The following ASH1L variants were observed in gnomAD, a reference collection of about 807,000 sequenced individuals.
ASH1L encodes histone-lysine N-methyltransferase ASH1L.
Under a neutral mutation model 269.0 loss-of-function variants are expected in ASH1L, and 23 were observed. The observed-to-expected ratio is 0.09, with a 90% CI of 0.06 to 0.12. ASH1L has a LOEUF of 0.12. Among genes scored for constraint, ASH1L ranks in the 10% least tolerant of loss-of-function variants. The pLI, the probability that ASH1L is intolerant of heterozygous loss-of-function variation, is 1.00. For synonymous variants in ASH1L, 1,187 were observed against 1,253.5 expected (o/e 0.95, Z 1.12); for missense variants, 2,912 against 3,567.8 (o/e 0.82, Z 4.68).
chr1:155,346,834 T>C (rs1258110454), intron 20 of ASH1L, among the ~76,000 whole-genome samples: 6 of 152,212 alleles, frequency 3.9e-5, no homozygotes, highest in Non-Finnish European at 8.8e-5. Context: ...CCTGTCTAAC[T>C]TTAGCCTCCC....
chr1:155,392,211 C>T (rs984237333), intron 7 of ASH1L, among the ~76,000 whole-genome samples: 1 of 152,092 alleles, frequency 6.6e-6, no homozygotes, highest in Admixed American at 6.6e-5. Flanking sequence ...TTTGCAGTTT[C>T]CCCTATTAGC....
intron 10 of ASH1L, among the ~76,000 whole-genome samples, chr1:155,375,872 T>C (rs867954317): frequency 1.3e-5 from 2 of 150,828 alleles, no homozygotes; most frequent in Admixed American, 6.6e-5. Flanking sequence ...GTCCTTCATA[T>C]AGTGAGATTT....
chr1:155,488,652 G>C (rs1432139150), intron 2 of ASH1L, among the ~76,000 whole-genome samples: 2 of 96,014 alleles, frequency 2.1e-5, no homozygotes, highest in Non-Finnish European at 3.7e-5. Flanking sequence ...CTGGGCAACA[G>C]AGCAAGACTC....
chr1:155,428,096 A>ACCCAGTC lies in ASH1L; in HGVS notation c.5828+10230_5828+10231insGACTGGG, dbSNP rs919211246. Among the ~76,000 whole-genome samples, 100 of 152,250 alleles carry ACCCAGTC rather than the reference A, an allele frequency of 6.6e-4. 1 individual carries two copies. Among genetic ancestry groups the ACCCAGTC allele is most frequent in the Middle Eastern group, 6.8e-3 (2 of 294 alleles). Reference sequence around the variant, plus strand: ...TGAACGAATTAAACCTCTTTTCTTTATAAATTACCCAGTCTCAGGTATTTA... The same window carrying ACCCAGTC: ...TGAACGAATTAAACCTCTTTTCTTTACCCAGTCTAAATTACCCAGTCTCAGGTATTTA... On this transcript the variant is annotated intron_variant, in intron 5 of 27. Transcript: ENST00000392403.
intron 2 of ASH1L, among the ~76,000 whole-genome samples, chr1:155,504,472 A>T (rs1248450760): frequency 6.6e-6 from 1 of 152,180 alleles, no homozygotes. Flanking sequence ...ATATAGCTTG[A>T]CTTTCACTCT....
chr1:155,392,383 C>T (rs58932176), intron 7 of ASH1L, among the ~76,000 whole-genome samples: 1,571 of 152,208 alleles, frequency 0.01, 31 homozygotes, highest in African/African-American at 0.036. Context: ...GTGTGCTTCT[C>T]CTCTTCTAAT....
chr1:155,473,494 T>A (rs1470923860), intron 3 of ASH1L, among the ~76,000 whole-genome samples: 1 of 146,104 alleles, frequency 6.8e-6, no homozygotes, highest in Admixed American at 6.8e-5. Context: ...GTATTTCTAT[T>A]TTTTTTTTTT....
At chr1:155,413,190 A>C (rs1490356829) in intron 6 of ASH1L, among the ~76,000 whole-genome samples, 1 of 151,800 alleles carries the variant, frequency 6.6e-6, no homozygotes. Flanking sequence ...TTTTTCCTTA[A>C]CAGCTATTAA....
chr1:155,355,448 T>C (rs563748386), intron 15 of ASH1L, among the ~76,000 whole-genome samples: 3 of 152,344 alleles, frequency 2.0e-5, no homozygotes, highest in Admixed American at 6.5e-5. Flanking sequence ...ACAGGACATA[T>C]GTAAATAGAT....
At chr1:155,339,247 G>A (rs1652560567) in intron 26 of ASH1L, 81 bp downstream of exon 26, 2 of 1,260,202 alleles carry the variant, frequency 1.6e-6, no homozygotes, top group African/African-American at 1.5e-5. Context: ...GTGGAGCTGA[G>A]TGGGTAGTTG....
Position 155,339,315 on chromosome 1 carries a change from C to T in ASH1L, c.8501+13G>A. ...AATCCCTTAGGATCCTCATATCCCC[C>T]CATGGGACTTACCGTCCTCCATTCC... is the stretch of plus-strand genomic sequence containing the variant. On this transcript the variant is annotated intron_variant, in intron 26 of 27. Transcript: ENST00000392403. The T allele has an allele frequency of 2.5e-6, 4 of 1,612,762 alleles. No homozygotes were observed. Among genetic ancestry groups the T allele is most frequent in the Non-Finnish European group, 2.5e-6 (3 of 1,178,808 alleles).
rs144170731 is a variant in ASH1L, at chr1:155,483,940, A to G, written c.421-1491T>C. Among the ~76,000 whole-genome samples, 363 of 152,316 alleles carry G rather than the reference A, an allele frequency of 2.4e-3. 1 individual carries two copies. The highest frequency in any genetic ancestry group is 8.3e-3 in the African/African-American group (346 of 41,582). ...TGGTTATAATATGCTATGCTATGCT[A>G]TGCCTTATACATATAATATACCTTC... On this transcript the variant is annotated intron_variant, in intron 2 of 27. Coordinates refer to ENST00000392403, the MANE Select transcript of ASH1L (RefSeq NM_018489.3).
chr1:155,378,981 T>G (rs971717385), intron 8 of ASH1L, among the ~76,000 whole-genome samples: 1 of 152,038 alleles, frequency 6.6e-6, no homozygotes, highest in Non-Finnish European at 1.5e-5. Flanking sequence ...CTTTTCAGGT[T>G]GAGAATTATA....
At chr1:155,427,627 T>C (rs1278406497) in intron 5 of ASH1L, among the ~76,000 whole-genome samples, 1 of 151,102 alleles carries the variant, frequency 6.6e-6, no homozygotes, top group African/African-American at 2.4e-5. Flanking sequence ...TTAGTAGAGA[T>C]GGGTGTTCAC....
chr1:155,352,699 T>C lies in ASH1L; in HGVS notation c.7366+7A>G, dbSNP rs760534444. On this transcript the variant is annotated splice_region_variant and intron_variant, in intron 17 of 27. Transcript: ENST00000392403. ...AAAAGAACGAATTTGAAGGTGGTTA[T>C]AGTCACCTTTATAAGAGATGATACC... 1.9e-6 allele frequency: 3 copies of C among 1,577,444 alleles called. No homozygotes were observed. The highest frequency in any genetic ancestry group is 2.3e-5 in the East Asian group (1 of 44,438).
At chr1:155,432,571 G>C (rs12069996) in intron 5 of ASH1L, among the ~76,000 whole-genome samples, 16 of 152,090 alleles carry the variant, frequency 1.1e-4, no homozygotes, top group African/African-American at 3.6e-4. Flanking sequence ...TGGGAACTCA[G>C]TGTGTCATGT....
chr1:155,450,956 G>A (rs1156730375), intron 4 of ASH1L, among the ~76,000 whole-genome samples: 1 of 152,180 alleles, frequency 6.6e-6, no homozygotes, highest in Admixed American at 6.5e-5. Flanking sequence ...CCAGCACTTT[G>A]GGAGGCTAAG....
chr1:155,398,924 T>C (rs1451989092), intron 6 of ASH1L, among the ~76,000 whole-genome samples: 2 of 151,994 alleles, frequency 1.3e-5, no homozygotes, highest in African/African-American at 4.8e-5. Context: ...GTAGACACGG[T>C]GTTTCACCAT....
chr1:155,404,689 T>C (rs1426066528), intron 6 of ASH1L, among the ~76,000 whole-genome samples: 1 of 152,016 alleles, frequency 6.6e-6, no homozygotes, highest in African/African-American at 2.4e-5. Flanking sequence ...AAAAAATCAA[T>C]TGTATTTCTA....
Sources: allele counts gnomAD v4.1 joint callset (sites outside exome capture counted in the v4.1 genomes callset), GRCh38; gene constraint gnomAD v4.1.1; transcripts MANE v1.5; gene names NCBI Gene and HGNC (gene_info 2026-07-23, HGNC 2026-07-21).